AFG1L: variants seen among roughly 807,000 people sequenced by gnomAD.
AFG1L encodes AFG1-like ATPase.
In AFG1L, 53 loss-of-function variants were observed where a neutral mutation model predicts 62.2. The ratio of observed to expected loss-of-function variants is 0.85; its 90% CI spans 0.68 to 1.07. The LOEUF is 1.07. AFG1L is among the 50% of genes least tolerant of loss of function. The pLI, the probability that AFG1L is intolerant of heterozygous loss-of-function variation, is 0.00. For missense variants in AFG1L, 555 were observed against 590.5 expected (o/e 0.94, Z 0.62); for synonymous variants, 228 against 210.3 (o/e 1.08, Z -0.73).
chr6:108,422,672 A>T (rs921642997), intron 7 of AFG1L, among the ~76,000 whole-genome samples: 23 of 151,778 alleles, frequency 1.5e-4, no homozygotes, highest in Admixed American at 3.9e-4. Flanking sequence ...AACTACGTTT[A>T]AAAAAATCTA....
At chr6:108,323,737 A>G in intron 1 of AFG1L, 88 bp from the exon 2 acceptor site, 2 of 884,368 alleles carry the variant, frequency 2.3e-6, no homozygotes, top group Admixed American at 4.6e-5. Flanking sequence ...GTAACTAGTT[A>G]AAAGTTTGAA....
At chr6:108,375,542 T>G (rs1308823241) in intron 6 of AFG1L, among the ~76,000 whole-genome samples, 1 of 152,214 alleles carries the variant, frequency 6.6e-6, no homozygotes, top group African/African-American at 2.4e-5. Flanking sequence ...GAAAGGATGT[T>G]GGATTTTACT....
chr6:108,318,667 A>G (rs1777696951), intron 1 of AFG1L, among the ~76,000 whole-genome samples: 1 of 152,210 alleles, frequency 6.6e-6, no homozygotes. Context: ...TCTTCCTGAA[A>G]CTTAGTTTAG....
At chr6:108,378,201 T>C (rs1251877648) in intron 6 of AFG1L, among the ~76,000 whole-genome samples, 1 of 151,996 alleles carries the variant, frequency 6.6e-6, no homozygotes, top group Non-Finnish European at 1.5e-5. Context: ...CTTTTTGAGA[T>C]GTTTATCTCT....
chr6:108,404,931 T>C (rs921620721), intron 7 of AFG1L, among the ~76,000 whole-genome samples: 9 of 152,074 alleles, frequency 5.9e-5, no homozygotes, highest in African/African-American at 1.9e-4. Flanking sequence ...GGTTTCACCA[T>C]GTTGGCCAGG....
intron 11 of AFG1L, among the ~76,000 whole-genome samples, chr6:108,511,094 A>G (rs1461213246): frequency 6.6e-6 from 1 of 151,216 alleles, no homozygotes; most frequent in Non-Finnish European, 1.5e-5. Context: ...TCTCTCAAAA[A>G]AAAAAAAAAA....
chr6:108,509,671 C>T (rs1774561577), intron 10 of AFG1L, among the ~76,000 whole-genome samples: 1 of 152,176 alleles, frequency 6.6e-6, no homozygotes, highest in African/African-American at 2.4e-5. Flanking sequence ...CTCTCTTGCC[C>T]CTTTTTCACA....
At chr6:108,465,672 CT>C (rs1772636533) in intron 8 of AFG1L, among the ~76,000 whole-genome samples, 2 of 151,236 alleles carry the variant, frequency 1.3e-5, no homozygotes, top group African/African-American at 2.5e-5. Flanking sequence ...GCTGCTGCTG[CT>C]GCTGCTGCTA....
At chr6:108,338,430 T>G (rs1778550699) in intron 2 of AFG1L, among the ~76,000 whole-genome samples, 1 of 152,200 alleles carries the variant, frequency 6.6e-6, no homozygotes. Context: ...TCTCAGAGAA[T>G]CACAATGCCA....
intron 11 of AFG1L, among the ~76,000 whole-genome samples, chr6:108,516,281 C>G (rs1219442892): frequency 6.6e-6 from 1 of 152,162 alleles, no homozygotes; most frequent in Non-Finnish European, 1.5e-5. Flanking sequence ...AATCCAGCAG[C>G]ACATCAAAAA....
chr6:108,333,577 T>C (rs1273337375), intron 2 of AFG1L, among the ~76,000 whole-genome samples: 1 of 151,926 alleles, frequency 6.6e-6, no homozygotes, highest in African/African-American at 2.4e-5. Context: ...AGACCTAATC[T>C]CTGCAAATAA....
At chr6:108,504,772 A>C (rs566074756) in intron 10 of AFG1L, among the ~76,000 whole-genome samples, 2 of 152,340 alleles carry the variant, frequency 1.3e-5, no homozygotes, top group East Asian at 3.9e-4. Flanking sequence ...GCCCAGAAAG[A>C]AGAGAAAAAC....
chr6:108,511,124 AAGGAGGAGG>A (rs552164631), intron 11 of AFG1L, among the ~76,000 whole-genome samples: 28 of 148,648 alleles, frequency 1.9e-4, no homozygotes, highest in Admixed American at 6.0e-4. Context: ...GAAGAAGTAG[AAGGAGGAGG>A]AGGAGGAGGA....
intron 6 of AFG1L, among the ~76,000 whole-genome samples, chr6:108,369,105 G>A (rs1779881343): frequency 1.3e-5 from 2 of 152,142 alleles, no homozygotes; most frequent in Admixed American, 6.6e-5. Context: ...ATGTATATGT[G>A]TGCGTGTGTG....
At chr6:108,402,673 A>G (rs1781685702) in intron 7 of AFG1L, among the ~76,000 whole-genome samples, 1 of 152,122 alleles carries the variant, frequency 6.6e-6, no homozygotes, top group Non-Finnish European at 1.5e-5. Flanking sequence ...TAAATTTTAA[A>G]TTGAGGTATG....
At chr6:108,400,368 A>G (rs938919616) in intron 6 of AFG1L, among the ~76,000 whole-genome samples, 1 of 151,394 alleles carries the variant, frequency 6.6e-6, no homozygotes, top group Admixed American at 6.6e-5. Context: ...CGTTATTTCT[A>G]TACCTAGTTT....
At chr6:108,370,550 C>T (rs1486860211) in intron 6 of AFG1L, among the ~76,000 whole-genome samples, 1 of 152,004 alleles carries the variant, frequency 6.6e-6, no homozygotes, top group African/African-American at 2.4e-5. Flanking sequence ...AATTTAACCC[C>T]TGCAACAAGG....
At chr6:108,315,522 G>A (rs1184927574) in intron 1 of AFG1L, among the ~76,000 whole-genome samples, 1 of 152,130 alleles carries the variant, frequency 6.6e-6, no homozygotes, top group Non-Finnish European at 1.5e-5. Flanking sequence ...AGAGGGCTGG[G>A]GTAGGGCCTC....
At chr6:108,352,623 G>T (rs1049528273) in intron 3 of AFG1L, among the ~76,000 whole-genome samples, 2 of 152,110 alleles carry the variant, frequency 1.3e-5, no homozygotes, top group African/African-American at 4.8e-5. Flanking sequence ...GAAGTGTAGT[G>T]GCGTGATCTC....
Sources: allele counts gnomAD v4.1 joint callset (sites outside exome capture counted in the v4.1 genomes callset), GRCh38; gene constraint gnomAD v4.1.1; transcripts MANE v1.5; gene names NCBI Gene and HGNC (gene_info 2026-07-23, HGNC 2026-07-21).